The following NAV1 variants were observed in gnomAD, a reference collection of about 807,000 sequenced individuals.
The protein encoded by NAV1 is neuron navigator 1.
NAV1 carries 18 observed loss-of-function variants against 175.2 expected under a neutral mutation model. The ratio of observed to expected loss-of-function variants is 0.10; its 90% CI spans 0.07 to 0.15. The LOEUF is 0.15. Ranked by LOEUF, NAV1 falls within the 10% of genes least tolerant of loss-of-function variation. The pLI is 1.00. For synonymous variants in NAV1, 897 were observed against 978.7 expected (o/e 0.92, Z 1.56); for missense variants, 1,731 against 2,436.6 (o/e 0.71, Z 6.10).
chr1:201,623,066 C>A (rs1668222762), exon 1 of NAV1: 1 of 985,946 alleles, frequency 1.0e-6, no homozygotes, highest in African/African-American at 1.7e-5. Context: ...CTGGGAAAGG[C>A]TGCAGGTCCT....
At position 201,694,145 on chromosome 1, in the gene NAV1, C is replaced by T. The variant is rs973768955; in HGVS notation, c.758-18672C>T. On this transcript the variant is annotated intron_variant, in intron 1 of 29. Transcript: ENST00000367296. The surrounding 1 kb of genome is among the most constrained non-coding windows in gnomAD (Gnocchi z 4.2). ...CTTGGCCCGCTGTTCCCATGGCAAC[C>T]GCCAGTCAGTGCTGAGCAAAGGAGG... 1.3e-5 allele frequency among the ~76,000 whole-genome samples: 2 copies of T among 152,196 alleles called. No homozygotes were observed. Among genetic ancestry groups the T allele is most frequent in the Non-Finnish European group, 1.5e-5 (1 of 68,034 alleles).
At chr1:201,553,209 A>C (rs1665914424) in intron 1 of NAV1, among the ~76,000 whole-genome samples, 1 of 152,282 alleles carries the variant, frequency 6.6e-6, no homozygotes, top group Admixed American at 6.5e-5. Flanking sequence ...TCTCCAGGCA[A>C]TAGGACACCA....
At chr1:201,643,398 C>CTCCCTTCCCT (rs60980821), upstream of NAV1, among the ~76,000 whole-genome samples, 2 of 145,324 alleles carry the variant, frequency 1.4e-5, no homozygotes, top group African/African-American at 5.3e-5. Context: ...CCTTTCTCCT[C>CTCCCTTCCCT]TCCCTTCCCT....
At chr1:201,581,714 A>G (rs1279852506) in intron 1 of NAV1, among the ~76,000 whole-genome samples, 1 of 152,026 alleles carries the variant, frequency 6.6e-6, no homozygotes, top group Non-Finnish European at 1.5e-5. Context: ...CTGTTATCCC[A>G]GCTACTCTGG....
chr1:201,544,138 A>T (rs1187016884), intron 1 of NAV1, among the ~76,000 whole-genome samples: 1 of 152,170 alleles, frequency 6.6e-6, no homozygotes, highest in Admixed American at 6.5e-5. Flanking sequence ...GGGAGCTTTT[A>T]AAAATGACCA....
intron 1 of NAV1, among the ~76,000 whole-genome samples, chr1:201,556,930 A>C (rs1666036226): frequency 6.6e-6 from 1 of 152,150 alleles, no homozygotes; most frequent in South Asian, 2.1e-4. Flanking sequence ...CTCAGGCAAA[A>C]GCTCAGACCA....
chr1:201,620,679 G>A (rs1202322299), upstream of NAV1, among the ~76,000 whole-genome samples: 1 of 151,884 alleles, frequency 6.6e-6, no homozygotes, highest in African/African-American at 2.4e-5. Context: ...ATGTTGGTCA[G>A]GCTGGTCTCA....
chr1:201,815,986 C>T (rs1186457030), intron 28 of NAV1, among the ~76,000 whole-genome samples: 1 of 152,150 alleles, frequency 6.6e-6, no homozygotes, highest in African/African-American at 2.4e-5. Flanking sequence ...GATCTTCCCA[C>T]CTCGGCCTCC....
rs762504655 is a variant in NAV1 at position 201,782,571 on chromosome 1, G to A, written c.2059G>A (p.Gly687Arg). The change falls in exon 6 of 30, where the codon GGG becomes AGG. Residue 687 changes from glycine (G) to arginine (R), a missense_variant. Transcript: ENST00000367296. This position sits in a 1 kb window ranked among gnomAD's most constrained non-coding sequence, Gnocchi z 5.4. ...GTCAAGTTCTATGAGCGTGACCGGCGGGCGGGGTGGACCTCGCCCTGTGAG... is the reference window on the plus strand; with the variant it reads ...GTCAAGTTCTATGAGCGTGACCGGCAGGCGGGGTGGACCTCGCCCTGTGAG... 53 of 1,611,704 alleles carry A rather than the reference G, an allele frequency of 3.3e-5. No individual in the cohort carries two copies. The South Asian group carries it at 4.1e-4, about 12-fold the overall frequency.
intron 1 of NAV1, among the ~76,000 whole-genome samples, chr1:201,706,272 T>C (rs940702615): frequency 3.9e-5 from 6 of 151,966 alleles, no homozygotes; most frequent in South Asian, 2.1e-4. Flanking sequence ...TGTGTGTGTG[T>C]GTGTGTGTCT....
In NAV1 at chr1:201,808,390, GC is replaced by G. The variant is rs772388590; in HGVS notation, c.3846-26del. ...AGTAACTCTAGTGCTTCTTCATGTA[GC>G]CTGGCTTGACTCTTGCTATCTTACA... On this transcript the variant is annotated intron_variant, in intron 18 of 29. Transcript: ENST00000367296. The surrounding 1 kb of genome is among the most constrained non-coding windows in gnomAD (Gnocchi z 5.5). 4.4e-6 allele frequency: 7 copies of G among 1,591,854 alleles called. No individual in the cohort carries two copies. Among genetic ancestry groups the G allele is most frequent in the Non-Finnish European group, 5.1e-6 (6 of 1,168,826 alleles).
chr1:201,743,995 C>T (rs1673601418), intron 3 of NAV1, among the ~76,000 whole-genome samples: 1 of 152,188 alleles, frequency 6.6e-6, no homozygotes, highest in Non-Finnish European at 1.5e-5. Flanking sequence ...AGCGATTCTC[C>T]TGCCTCAGCC....
At chr1:201,820,053 G>A in exon 30 of NAV1, 1 of 926,156 alleles carries the variant, frequency 1.1e-6, no homozygotes, top group Non-Finnish European at 1.7e-6. Context: ...AGAACAGGAG[G>A]GAGGAGGAGA....
intron 1 of NAV1, among the ~76,000 whole-genome samples, chr1:201,553,095 T>C (rs913632317): frequency 9.9e-5 from 15 of 152,226 alleles, no homozygotes; most frequent in African/African-American, 3.4e-4. Context: ...CGCTTGGCTC[T>C]GGAAGGAGGA....
intron 2 of NAV1, among the ~76,000 whole-genome samples, chr1:201,608,089 G>A (rs1359438747): frequency 6.6e-6 from 1 of 152,032 alleles, no homozygotes; most frequent in Non-Finnish European, 1.5e-5. Flanking sequence ...CCTTTTTAAA[G>A]GACTTACCAT....
chr1:201,606,728 AC>A (rs1667690694), intron 2 of NAV1, among the ~76,000 whole-genome samples: 1 of 152,214 alleles, frequency 6.6e-6, no homozygotes, highest in Non-Finnish European at 1.5e-5. Flanking sequence ...CCCCACACAC[AC>A]ATTTTCTCCA....
intron 3 of NAV1, among the ~76,000 whole-genome samples, chr1:201,733,944 A>G (rs1035692530): frequency 6.6e-6 from 1 of 152,158 alleles, no homozygotes; most frequent in Non-Finnish European, 1.5e-5. Flanking sequence ...ATGTGATCCA[A>G]CATGTTTTGC....
intron 2 of NAV1, among the ~76,000 whole-genome samples, chr1:201,603,675 G>A (rs1039915484): frequency 3.9e-5 from 6 of 152,168 alleles, no homozygotes; most frequent in African/African-American, 1.4e-4. Context: ...AGTAGGCCAG[G>A]CAGGGAGTTG....
At chr1:201,791,687 G>C (rs1677126936) in intron 13 of NAV1, 1 of 152,236 alleles carries the variant, frequency 6.6e-6, no homozygotes, top group South Asian at 2.1e-4. Flanking sequence ...GTCGGAATTA[G>C]GTAGAAGAAT....
Sources: gnomAD v4.1 joint callset for allele counts (sites outside exome capture counted in the v4.1 genomes callset) on GRCh38, gnomAD v4.1.1 for gene constraint, Gnocchi (gnomAD v3.1) non-coding constraint, MANE v1.5 for transcripts, NCBI Gene and HGNC (gene_info 2026-07-23, HGNC 2026-07-21) for gene names.